The following PKIB variants were observed in gnomAD, a reference collection of about 807,000 sequenced individuals.
The protein encoded by PKIB is PKI-beta.
Under a neutral mutation model 4.5 loss-of-function variants are expected in PKIB, and 2 were observed. The observed-to-expected ratio is 0.44, with a 90% CI of 0.18 to 1.39. The LOEUF (loss-of-function observed/expected upper bound fraction) is 1.39, where lower values mean the gene tolerates loss of function less well. PKIB is among the 40% of genes most tolerant of loss of function. PKIB has a pLI of 0.27. For synonymous variants in PKIB, 38 were observed against 36.0 expected (o/e 1.06, Z -0.20); for missense variants, 94 against 92.6 (o/e 1.02, Z -0.06).
intron 3 of PKIB, among the ~76,000 whole-genome samples, chr6:122,712,355 G>A (rs918461984): frequency 3.3e-5 from 5 of 152,162 alleles, no homozygotes; most frequent in Non-Finnish European, 7.3e-5. Flanking sequence ...ACATAAAGAA[G>A]TAATTCTAGT....
At chr6:122,538,632 T>C (rs1332220540) in intron 2 of PKIB, among the ~76,000 whole-genome samples, 1 of 152,128 alleles carries the variant, frequency 6.6e-6, no homozygotes, top group Non-Finnish European at 1.5e-5. Context: ...GGCTTTGTTC[T>C]TTTGGCTTAG....
chr6:122,507,001 G>A (rs1313633149), intron 2 of PKIB, among the ~76,000 whole-genome samples: 3 of 151,858 alleles, frequency 2.0e-5, no homozygotes, highest in East Asian at 1.9e-4. Flanking sequence ...GCGCCCGGCC[G>A]TAATTTTTTA....
chr6:122,520,956 T>C (rs1454318782), intron 2 of PKIB, among the ~76,000 whole-genome samples: 6 of 152,194 alleles, frequency 3.9e-5, no homozygotes, highest in Admixed American at 2.0e-4. Context: ...TGATAGTCAG[T>C]TGGCGAGACA....
intron 2 of PKIB, among the ~76,000 whole-genome samples, chr6:122,545,560 C>T (rs962211013): frequency 2.0e-5 from 3 of 151,004 alleles, no homozygotes; most frequent in African/African-American, 4.9e-5. Context: ...GCATAATACC[C>T]GATAGGTAGT....
At chr6:122,542,348 C>T in intron 2 of PKIB, among the ~76,000 whole-genome samples, 1 of 152,030 alleles carries the variant, frequency 6.6e-6, no homozygotes, top group East Asian at 1.9e-4. Flanking sequence ...TGGTGACACA[C>T]AGAAGGGTTT....
rs370015444 is a variant in PKIB, at chr6:122,560,802, C to T, written c.-247-25119C>T. Among the ~76,000 whole-genome samples the T allele has an allele frequency of 5.3e-5, 8 of 151,936 alleles. No individual in the cohort carries two copies. In the East Asian group the frequency reaches 1.5e-3, roughly 29 times the overall value. ...TATTTTTCCAGGAATTTATTTATCTCTTCTAAGTTTTCTAGTTTATGTTCA... is the reference window on the plus strand; with the variant it reads ...TATTTTTCCAGGAATTTATTTATCTTTTCTAAGTTTTCTAGTTTATGTTCA... On this transcript the variant is annotated intron_variant, in intron 2 of 6. Transcript: ENST00000392491.
intron 3 of PKIB, among the ~76,000 whole-genome samples, chr6:122,594,301 G>A (rs1309522889): frequency 2.6e-5 from 4 of 151,620 alleles, no homozygotes; most frequent in South Asian, 2.1e-4. Context: ...TCTGCCTCCC[G>A]GGTTCAAGCG....
At chr6:122,697,451 G>A (rs1457809827) in intron 3 of PKIB, among the ~76,000 whole-genome samples, 2 of 151,786 alleles carry the variant, frequency 1.3e-5, no homozygotes, top group African/African-American at 2.4e-5. Context: ...AAGCAAAGTA[G>A]GCACCTGACC....
intron 3 of PKIB, chr6:122,701,649 A>G: frequency 1.1e-6 from 1 of 895,322 alleles, no homozygotes; most frequent in Non-Finnish European, 1.7e-6. Flanking sequence ...TCAGAACCAA[A>G]TAACCAAGGA....
chr6:122,516,122 G>A (rs1776743983), intron 2 of PKIB, among the ~76,000 whole-genome samples: 1 of 152,170 alleles, frequency 6.6e-6, no homozygotes. Context: ...ACAATTTAGT[G>A]TCCTGCAATA....
intron 2 of PKIB, among the ~76,000 whole-genome samples, chr6:122,577,682 G>A (rs554163362): frequency 7.6e-4 from 115 of 152,226 alleles, no homozygotes; most frequent in African/African-American, 2.4e-3. Flanking sequence ...GGCCAAGGCG[G>A]GCAGATCACG....
chr6:122,563,630 C>T (rs7743269), intron 2 of PKIB, among the ~76,000 whole-genome samples: 1 of 152,046 alleles, frequency 6.6e-6, no homozygotes, highest in African/African-American at 2.4e-5. Flanking sequence ...TTGGGTGGGT[C>T]TTGCTGCGGC....
chr6:122,531,799 G>A (rs1039284401), intron 2 of PKIB, among the ~76,000 whole-genome samples: 2 of 152,152 alleles, frequency 1.3e-5, no homozygotes. Flanking sequence ...ATTGCTTAAG[G>A]CTGGGAATTT....
At chr6:122,622,142 T>G (rs1775258887) in intron 1 of PKIB, among the ~76,000 whole-genome samples, 1 of 152,232 alleles carries the variant, frequency 6.6e-6, no homozygotes, top group South Asian at 2.1e-4. Flanking sequence ...AGTTATGTGT[T>G]AAAATATTTT....
At chr6:122,686,685 T>C (rs533970597) in intron 3 of PKIB, among the ~76,000 whole-genome samples, 3 of 152,092 alleles carry the variant, frequency 2.0e-5, no homozygotes, top group Non-Finnish European at 2.9e-5. Flanking sequence ...TCTGTAAAGA[T>C]GGAGTCCCAG....
At chr6:122,662,477 A>G (rs2114918282) in intron 2 of PKIB, among the ~76,000 whole-genome samples, 1 of 150,770 alleles carries the variant, frequency 6.6e-6, no homozygotes, top group South Asian at 2.1e-4. Flanking sequence ...CACCGTGCCC[A>G]GCTATTTTTT....
In PKIB at chr6:122,725,878, T is replaced by C. The variant is rs1465863735; in HGVS notation, c.*683T>C. 6.6e-6 allele frequency: 1 copy of C among 152,172 alleles called. No homozygotes were observed. 9.4% of individuals were successfully genotyped at this position (152,172 alleles called of 1,614,324 possible). A position where few individuals can be genotyped will look rare whatever the true frequency, so the allele number is the denominator to read the frequency against. ...TGGAACATGCCTATTAAATGAATTT[T>C]ACTATCTTCCCTAACTTTGGTCTGT... On this transcript the variant is annotated 3_prime_UTR_variant, in exon 5 of 5. Coordinates refer to ENST00000368452, the MANE Select transcript of PKIB (RefSeq NM_181795.3).
intron 3 of PKIB, among the ~76,000 whole-genome samples, chr6:122,595,132 G>A (rs1047850199): frequency 3.2e-4 from 49 of 152,304 alleles, no homozygotes; most frequent in African/African-American, 1.2e-3. Context: ...TAGGGGTGAT[G>A]GCGAGTGGTG....
At chr6:122,554,188 T>C (rs1364004634) in intron 2 of PKIB, among the ~76,000 whole-genome samples, 3 of 152,238 alleles carry the variant, frequency 2.0e-5, no homozygotes, top group African/African-American at 7.2e-5. Context: ...ACTACATTAC[T>C]GTGACTTCAA....
Sources: gnomAD v4.1 joint callset for allele counts (sites outside exome capture counted in the v4.1 genomes callset) on GRCh38, gnomAD v4.1.1 for gene constraint, MANE v1.5 for transcripts, NCBI Gene and HGNC (gene_info 2026-07-23, HGNC 2026-07-21) for gene names.